Variants in DKK3 observed in about 807,000 individuals in gnomAD.
DKK3 encodes the protein dickkopf Wnt signaling pathway inhibitor 3.
A neutral mutation model predicts 33.2 loss-of-function variants in DKK3; 22 were observed. That is an observed-to-expected ratio of 0.66 (90% CI 0.47 to 0.95). The LOEUF (loss-of-function observed/expected upper bound fraction) is 0.95. Ranked by LOEUF, DKK3 falls within the 40% of genes least tolerant of loss-of-function variation. DKK3 has a pLI of 0.00. For missense variants in DKK3, 398 were observed against 458.4 expected, an observed-to-expected ratio of 0.87 and a Z score of 1.20; for synonymous variants, 194 against 188.8, an observed-to-expected ratio of 1.03 and a Z score of -0.23.
chr11:11,986,796 T>G (rs1848079244), intron 3 of DKK3, among the ~76,000 whole-genome samples: 1 of 152,264 alleles, frequency 6.6e-6, no homozygotes, highest in Admixed American at 6.5e-5. Context: ...TGCCCTCATC[T>G]ATAAAATAAT....
intron 3 of DKK3, among the ~76,000 whole-genome samples, chr11:11,970,096 C>T (rs191836540): frequency 2.0e-5 from 3 of 152,252 alleles, no homozygotes; most frequent in African/African-American, 4.8e-5. Context: ...GGAAGCCTCC[C>T]GACGTTCTTT....
intron 3 of DKK3, among the ~76,000 whole-genome samples, chr11:11,980,421 A>G (rs1475765823): frequency 6.6e-6 from 1 of 152,110 alleles, no homozygotes; most frequent in Non-Finnish European, 1.5e-5. Flanking sequence ...CTCACAACTG[A>G]CTGTCTCCAC....
At position 11,983,837 on chromosome 11, in the gene DKK3, A is replaced by G. The variant is rs548799308; in HGVS notation, c.435+14859T>C. Among the ~76,000 whole-genome samples the G allele has an allele frequency of 2.6e-5, 4 of 152,394 alleles. No homozygotes were observed. The South Asian group carries it at 6.2e-4, about 24-fold the overall frequency. On this transcript the variant is annotated intron_variant, in intron 3 of 6. Transcript: ENST00000683431. ...GACCAACCCCCGACCCAATGCCTATACAACAATGCTGGTAATCAGAATCTT... is the reference window on the plus strand; with the variant it reads ...GACCAACCCCCGACCCAATGCCTATGCAACAATGCTGGTAATCAGAATCTT...
intron 3 of DKK3, among the ~76,000 whole-genome samples, chr11:11,995,559 A>G (rs1848275076): frequency 6.6e-6 from 1 of 152,224 alleles, no homozygotes; most frequent in South Asian, 2.1e-4. Context: ...TGCGAGTTGG[A>G]TTTTAAAGAG....
chr11:11,989,746 G>A (rs966575688), intron 3 of DKK3, among the ~76,000 whole-genome samples: 3 of 152,224 alleles, frequency 2.0e-5, no homozygotes, highest in South Asian at 4.2e-4. Flanking sequence ...ACAATTTTTT[G>A]TATGTTGCAT....
intron 5 of DKK3, among the ~76,000 whole-genome samples, 193 bp downstream of exon 5, chr11:11,966,761 G>A (rs915724367): frequency 2.0e-5 from 3 of 151,784 alleles, no homozygotes; most frequent in African/African-American, 7.3e-5. Context: ...GCATCAACAG[G>A]GGAAAAAAAA....
chr11:11,970,798 C>G (rs1847708894), intron 3 of DKK3, among the ~76,000 whole-genome samples: 1 of 152,252 alleles, frequency 6.6e-6, no homozygotes, highest in Non-Finnish European at 1.5e-5. Context: ...AGCAGAATCT[C>G]TCTTAGAGCC....
intron 3 of DKK3, among the ~76,000 whole-genome samples, chr11:11,991,742 G>A (rs1447880363): frequency 1.3e-5 from 2 of 152,056 alleles, no homozygotes; most frequent in Non-Finnish European, 2.9e-5. Flanking sequence ...CCCGCAGAAC[G>A]GCAAGCCAAA....
rs1848450196 is a variant in DKK3, at chr11:12,002,445, A to G, written c.214-8T>C. The G allele has an allele frequency of 6.2e-7, 1 of 1,609,544 alleles. No homozygotes were observed. The highest frequency in any genetic ancestry group is 8.5e-7 in the Non-Finnish European group (1 of 1,177,234). ...AGCTTCTTCTGCCTCCATCTATTAA[A>G]TCGATGAATTTAATGAGCAAAATTA... On this transcript the variant is annotated splice_polypyrimidine_tract_variant and splice_region_variant and intron_variant, in intron 1 of 6. Transcript: ENST00000683431.
intron 2 of DKK3, among the ~76,000 whole-genome samples, chr11:12,000,877 C>A (rs911160267): frequency 2.0e-5 from 3 of 152,124 alleles, no homozygotes; most frequent in African/African-American, 7.2e-5. Context: ...AATAACATAA[C>A]TTTATTATAA....
intron 6 of DKK3, 28 bp downstream of exon 6, chr11:11,965,781 C>T (rs1847575793): frequency 6.2e-7 from 1 of 1,610,198 alleles, no homozygotes. Flanking sequence ...CCCTTGGCTC[C>T]CTGAGAGTGA....
intron 3 of DKK3, among the ~76,000 whole-genome samples, chr11:11,972,643 C>G (rs1847747684): frequency 6.6e-6 from 1 of 152,216 alleles, no homozygotes. Context: ...CTTAGTAGAA[C>G]TGAGTGGGTG....
intron 3 of DKK3, among the ~76,000 whole-genome samples, chr11:11,975,972 C>T (rs1847824216): frequency 1.3e-5 from 2 of 152,158 alleles, no homozygotes; most frequent in South Asian, 4.1e-4. Flanking sequence ...TGGGGAACCT[C>T]ATGAAGTTAC....
At chr11:12,008,835 C>G (rs1163720417), upstream of DKK3, 1 of 1,164,498 alleles carries the variant, frequency 8.6e-7, no homozygotes, top group African/African-American at 1.6e-5. The surrounding 1 kb of genome is among the most constrained non-coding windows in gnomAD (Gnocchi z 4.6). Flanking sequence ...CCCCGCACCC[C>G]CATCCTCGAG....
chr11:11,967,767 G>A (rs905970384), intron 4 of DKK3, among the ~76,000 whole-genome samples: 3 of 152,268 alleles, frequency 2.0e-5, no homozygotes, highest in African/African-American at 7.2e-5. Flanking sequence ...CCTGTTGGGT[G>A]AAGAGTCTCC....
chr11:11,995,277 G>T (rs1399436866), intron 3 of DKK3, among the ~76,000 whole-genome samples: 1 of 151,984 alleles, frequency 6.6e-6, no homozygotes, highest in Non-Finnish European at 1.5e-5. Context: ...TTGTAGAGGG[G>T]TCTCAATTTC....
At chr11:11,985,330 G>A (rs906797355) in intron 3 of DKK3, among the ~76,000 whole-genome samples, 14 of 152,326 alleles carry the variant, frequency 9.2e-5, no homozygotes, top group South Asian at 8.3e-4. Flanking sequence ...CCGCTCCCCC[G>A]ACAGTGAGCT....
chr11:11,976,911 G>A (rs538801688), intron 3 of DKK3, among the ~76,000 whole-genome samples: 2 of 152,320 alleles, frequency 1.3e-5, no homozygotes, highest in African/African-American at 2.4e-5. Flanking sequence ...GGCGCCTCCA[G>A]TCTTTCCTGG....
chr11:11,972,362 G>A (rs76306824), intron 3 of DKK3, among the ~76,000 whole-genome samples: 1,575 of 152,330 alleles, frequency 0.01, 30 homozygotes, highest in African/African-American at 0.036. Context: ...ATCCACCAAA[G>A]CTTGACATCT....
Sources: gnomAD v4.1 joint callset for allele counts (sites outside exome capture counted in the v4.1 genomes callset) on GRCh38, gnomAD v4.1.1 for gene constraint, Gnocchi (gnomAD v3.1) non-coding constraint, MANE v1.5 for transcripts, NCBI Gene and HGNC (gene_info 2026-07-23, HGNC 2026-07-21) for gene names.